Variants in UMOD observed in about 807,000 individuals in gnomAD.
UMOD encodes Tamm-Horsfall urinary glycoprotein.
In UMOD, 64 loss-of-function variants were observed where a neutral mutation model predicts 66.0. The observed-to-expected ratio is 0.97, with a 90% CI of 0.79 to 1.19. The LOEUF (loss-of-function observed/expected upper bound fraction) is 1.19. UMOD is among the 50% of genes most tolerant of loss of function. The probability of loss-of-function intolerance (pLI) is 0.00; values close to 1 mark genes in which losing one functional copy is unlikely to be tolerated. For synonymous variants in UMOD, 398 were observed against 352.7 expected (o/e 1.13, Z -1.44); for missense variants, 764 against 850.9 (o/e 0.90, Z 1.27).
chr16:20,348,355 A>G, intron 3 of UMOD, 25 bp from the exon 4 acceptor site: 1 of 1,614,176 alleles, frequency 6.2e-7, no homozygotes, highest in African/African-American at 1.3e-5. Flanking sequence ...GGACAGACAG[A>G]CAATCAATAA....
At chr16:20,352,799 T>G, upstream of UMOD, 1 of 1,155,432 alleles carries the variant, frequency 8.7e-7, no homozygotes, top group Non-Finnish European at 1.1e-6. Flanking sequence ...GTTCTGTTTT[T>G]TGATATTGTT....
rs1459335829 is a variant in UMOD at position 20,348,494 on chromosome 16, G to T, written c.807C>A (p.Gly269=). The T allele has an allele frequency of 1.8e-5, 29 of 1,610,964 alleles. No homozygotes were observed. Among genetic ancestry groups the T allele is most frequent in the Non-Finnish European group, 2.5e-5 (29 of 1,179,778 alleles). Residue 269 remains glycine (G), a synonymous_variant, in exon 3 of 11, where the codon GGC becomes GGA. Transcript: ENST00000396138. The stretch of plus-strand genomic sequence containing the variant: ...CTGTCAGGTTGTAGACGTAGTAGCC[G>T]CCGGCACAGGCCTTCACCTGGACGG... ...DASVQVKACA[G]GYYVYNLTAP...
intron 1 of UMOD, 34 bp from the exon 2 acceptor site, chr16:20,350,873 T>C (rs1329631391): frequency 6.5e-7 from 1 of 1,530,960 alleles, no homozygotes; most frequent in Admixed American, 2.0e-5. Flanking sequence ...AAATGCATGA[T>C]CTAACTCTCC....
In UMOD at chr16:20,341,142, G is replaced by A. The variant is rs774645244; in HGVS notation, c.1526C>T (p.Thr509Ile). ...FALLMTNCYATPSSNATDPLK... is the reference protein window; with the variant it reads ...FALLMTNCYAIPSSNATDPLK... ...GGGGTCCGTGGCATTGCTACTGGGTGTGGCATAGCAGTTGGTCATGAGCAG... is the reference window on the plus strand; with the variant it reads ...GGGGTCCGTGGCATTGCTACTGGGTATGGCATAGCAGTTGGTCATGAGCAG... The change falls in exon 7 of 11, where the codon ACA (threonine) becomes ATA (isoleucine). Residue 509 changes from threonine (T) to isoleucine (I), a missense_variant. Thr to Ile is a moderately conservative substitution (Grantham distance 89). Coordinates refer to ENST00000396138, the MANE Select transcript of UMOD (RefSeq NM_003361.4). 44 of 1,614,038 alleles carry A rather than the reference G, an allele frequency of 2.7e-5. No individual in the cohort carries two copies. Among genetic ancestry groups the A allele is most frequent in the Non-Finnish European group, 3.6e-5 (43 of 1,180,042 alleles).
At chr16:20,335,561 T>C in intron 9 of UMOD, 41 bp from the exon 10 acceptor site, 1 of 1,603,608 alleles carries the variant, frequency 6.2e-7, no homozygotes, top group Non-Finnish European at 8.5e-7. Context: ...AAAGAATGCA[T>C]GAGATTTGGC....
rs763996644 is a variant in UMOD, at chr16:20,341,111, C to T, written c.1557G>A (p.Lys519=). 1 of 1,613,588 alleles carries T rather than the reference C, an allele frequency of 6.2e-7. No individual in the cohort carries two copies. Among genetic ancestry groups the T allele is most frequent in the Non-Finnish European group, 8.5e-7 (1 of 1,179,756 alleles). ...TPSSNATDPL[K]YFIIQDRCPH... ...CTTACCTGTCCTGGATGATGAAGTA[C>T]TTCAGGGGGTCCGTGGCATTGCTAC... Residue 519 remains lysine (K), a synonymous_variant, in exon 7 of 11, where the codon AAG becomes AAA. Transcript: ENST00000396138.
At position 20,341,341 on chromosome 16, in the gene UMOD, C is replaced by T; in HGVS notation, c.1332-5G>A. ...CCCACTCTGATGTTTAGAGCACTGC[C>T]AGGGGAGAAGGGTTGGTGAGAGGAC... On this transcript the variant is annotated splice_polypyrimidine_tract_variant and splice_region_variant and intron_variant, in intron 6 of 10. Transcript: ENST00000396138. 1 of 1,613,198 alleles carries T rather than the reference C, an allele frequency of 6.2e-7. No homozygotes were observed. Among genetic ancestry groups the T allele is most frequent in the Non-Finnish European group, 8.5e-7 (1 of 1,179,998 alleles).
At chr16:20,349,625 AT>A in intron 2 of UMOD, 1 of 1,423,448 alleles carries the variant, frequency 7.0e-7, no homozygotes. Context: ...TCCACCATTC[AT>A]TTTTTGTGTT....
intron 7 of UMOD, among the ~76,000 whole-genome samples, 155 bp downstream of exon 7, chr16:20,340,936 G>A (rs1965173386): frequency 6.6e-6 from 1 of 151,046 alleles, no homozygotes; most frequent in Non-Finnish European, 1.5e-5. Context: ...GGAGGTTGCA[G>A]TGAGCCGAGG....
chr16:20,351,069 T>C, intron 1 of UMOD: 2 of 383,186 alleles, frequency 5.2e-6, no homozygotes, highest in South Asian at 2.3e-5. Flanking sequence ...CATTGCACAT[T>C]TTGAAGAACT....
Position 20,349,212 on chromosome 16 carries a change from C to A in UMOD, c.89G>T (p.Arg30Ile). ...ATTGCTGTGACATTCAGAGCACCAT[C>A]CTGTGGACAGAAAAGCCCAGCTTCA... ...TTAATDTSEA[R>I]WCSECHSNAT... Residue 30 changes from arginine to isoleucine, a missense_variant and splice_region_variant, in exon 3 of 11, where the codon AGA becomes ATA. Transcript: ENST00000396138. The A allele has an allele frequency of 6.2e-7, 1 of 1,613,026 alleles. No homozygotes were observed. Among genetic ancestry groups the A allele is most frequent in the Non-Finnish European group, 8.5e-7 (1 of 1,179,896 alleles).
intron 5 of UMOD, among the ~76,000 whole-genome samples, chr16:20,345,435 TTTCTTTC>T (rs1185182886): frequency 9.2e-5 from 5 of 54,122 alleles, no homozygotes; most frequent in African/African-American, 1.7e-4. Flanking sequence ...TTTCTCTTTC[TTTCTTTC>T]TTCCTTTCTT....
chr16:20,341,736 G>T (rs149466530), intron 6 of UMOD, among the ~76,000 whole-genome samples: 1 of 152,318 alleles, frequency 6.6e-6, no homozygotes, highest in Non-Finnish European at 1.5e-5. Context: ...GGAACACCTG[G>T]ATTCCTTCTT....
intron 10 of UMOD, among the ~76,000 whole-genome samples, chr16:20,333,638 C>G (rs1964709515): frequency 6.6e-6 from 1 of 152,204 alleles, no homozygotes; most frequent in African/African-American, 2.4e-5. Context: ...ATCCAACCAT[C>G]CTTAGAGACC....
At chr16:20,340,727 G>C (rs1260705307) in intron 7 of UMOD, among the ~76,000 whole-genome samples, 1 of 151,996 alleles carries the variant, frequency 6.6e-6, no homozygotes, top group Non-Finnish European at 1.5e-5. Flanking sequence ...AGGCGTGGTG[G>C]CTCACACCTG....
chr16:20,352,648 G>A (rs1965953458), intron 1 of UMOD, 41 bp downstream of exon 1: 1 of 1,228,794 alleles, frequency 8.1e-7, no homozygotes. Context: ...ATAGGATGGG[G>A]AGAAGCTGGG....
upstream of UMOD, among the ~76,000 whole-genome samples, chr16:20,353,082 G>A (rs1296173201): frequency 6.6e-6 from 1 of 152,176 alleles, no homozygotes; most frequent in African/African-American, 2.4e-5. Flanking sequence ...CCAGGCAGAA[G>A]CCAGTATCTG....
chr16:20,345,975 T>C, intron 5 of UMOD, 151 bp downstream of exon 5: 1 of 671,914 alleles, frequency 1.5e-6, no homozygotes, highest in Non-Finnish European at 2.6e-6. Context: ...ACCTGTGGAG[T>C]AGGTACTATT....
chr16:20,348,169 C>G, intron 4 of UMOD, 54 bp downstream of exon 4: 1 of 1,483,934 alleles, frequency 6.7e-7, no homozygotes, highest in East Asian at 2.3e-5. Context: ...ATGTGTCCCT[C>G]CCCCAGGCAG....
Sources: allele counts gnomAD v4.1 joint callset (sites outside exome capture counted in the v4.1 genomes callset), GRCh38; gene constraint gnomAD v4.1.1; transcripts MANE v1.5; gene names NCBI Gene and HGNC (gene_info 2026-07-23, HGNC 2026-07-21).